RELN: variants seen among roughly 807,000 people sequenced by gnomAD.
RELN encodes the protein reelin.
RELN carries 108 observed loss-of-function variants against 427.6 expected under a neutral mutation model. The ratio of observed to expected loss-of-function variants is 0.25; its 90% CI spans 0.22 to 0.30. The LOEUF (loss-of-function observed/expected upper bound fraction) is 0.30. Ranked by LOEUF, RELN falls within the 10% of genes least tolerant of loss-of-function variation. RELN has a pLI of 1.00. For missense variants in RELN, 3,715 were observed against 4,302.8 expected, an observed-to-expected ratio of 0.86 and a Z score of 3.82; for synonymous variants, 1,524 against 1,513.4, an observed-to-expected ratio of 1.01 and a Z score of -0.16.
chr7:103,485,846 A>G (rs1828420915), intron 61 of RELN, among the ~76,000 whole-genome samples: 1 of 152,192 alleles, frequency 6.6e-6, no homozygotes, highest in Non-Finnish European at 1.5e-5. Context: ...TTTATTTCAC[A>G]TACACATTTA....
chr7:103,896,213 A>T (rs1349578925), intron 2 of RELN, among the ~76,000 whole-genome samples: 1 of 152,112 alleles, frequency 6.6e-6, no homozygotes, highest in African/African-American at 2.4e-5. Context: ...TGCAACTCTA[A>T]TGCTATGTTG....
At chr7:103,482,114 T>A (rs11486974) in intron 63 of RELN, 32,180 of 151,986 alleles carry the variant, frequency 0.21, 4,061 homozygotes, top group African/African-American at 0.36. Context: ...TGCTTGCAAA[T>A]TGACTGAAAT....
At chr7:103,647,861 A>T (rs1020649852) in intron 16 of RELN, among the ~76,000 whole-genome samples, 2 of 152,096 alleles carry the variant, frequency 1.3e-5, no homozygotes, top group East Asian at 3.9e-4. Context: ...AGACATATAC[A>T]TCAATGGAAC....
chr7:103,921,930 C>T (rs1795625923), intron 1 of RELN, among the ~76,000 whole-genome samples: 2 of 152,178 alleles, frequency 1.3e-5, no homozygotes, highest in South Asian at 4.1e-4. Flanking sequence ...GCAGTCTGTT[C>T]TGACCTCCTG....
At chr7:103,814,466 G>A (rs1792820711) in intron 3 of RELN, among the ~76,000 whole-genome samples, 1 of 152,146 alleles carries the variant, frequency 6.6e-6, no homozygotes, top group African/African-American at 2.4e-5. Context: ...CTGCAAGTAA[G>A]CCTGTTCCAG....
At chr7:103,816,767 G>T (rs1371988606) in intron 3 of RELN, among the ~76,000 whole-genome samples, 3 of 152,126 alleles carry the variant, frequency 2.0e-5, no homozygotes, top group Admixed American at 2.0e-4. Flanking sequence ...CCCCATAATT[G>T]CTCCTTGAGT....
intron 27 of RELN, among the ~76,000 whole-genome samples, chr7:103,590,387 C>A (rs941049588): frequency 6.6e-6 from 1 of 152,030 alleles, no homozygotes; most frequent in African/African-American, 2.4e-5. Context: ...GATGGTAAAA[C>A]CCTGTCTCTA....
intron 34 of RELN, among the ~76,000 whole-genome samples, chr7:103,564,168 G>C (rs1830697087): frequency 6.6e-6 from 1 of 152,206 alleles, no homozygotes; most frequent in African/African-American, 2.4e-5. Context: ...AAACAAGTAA[G>C]CACTATTTAA....
chr7:103,679,391 G>A (rs75533276), intron 11 of RELN, among the ~76,000 whole-genome samples: 5,291 of 152,216 alleles, frequency 0.035, 296 homozygotes, highest in African/African-American at 0.12. Context: ...GAAGAATTAC[G>A]CCACTTTTAG....
intron 7 of RELN, among the ~76,000 whole-genome samples, chr7:103,724,682 G>C (rs1790161050): frequency 6.6e-6 from 1 of 151,942 alleles, no homozygotes; most frequent in Non-Finnish European, 1.5e-5. Context: ...ACTTTGATTG[G>C]TTACTGATTC....
In RELN at chr7:103,739,009, T is replaced by C. The variant is rs562856096; in HGVS notation, c.656+10417A>G. 2.6e-5 allele frequency among the ~76,000 whole-genome samples: 4 copies of C among 152,268 alleles called. No individual in the cohort carries two copies. The South Asian group carries it at 6.2e-4, about 24-fold the overall frequency. On this transcript the variant is annotated intron_variant, in intron 6 of 64. Transcript: ENST00000428762. ...CATCTTTTCATTCAACTTAAAATTTTTGAGATTCATCCATGTTGTTGCGAC... is the reference window on the plus strand; with the variant it reads ...CATCTTTTCATTCAACTTAAAATTTCTGAGATTCATCCATGTTGTTGCGAC...
chr7:103,491,983 G>T lies in RELN; in HGVS notation c.9413C>A (p.Ser3138Tyr). 1 of 1,613,242 alleles carries T rather than the reference G, an allele frequency of 6.2e-7. No individual in the cohort carries two copies. The highest frequency in any genetic ancestry group is 1.1e-5 in the South Asian group (1 of 90,930). The change falls in exon 58 of 65, where the codon TCC becomes TAC. Residue 3138 changes from serine (S) to tyrosine (Y), a missense_variant. Transcript: ENST00000428762. ...CEATSCGDLH[S>Y]VMLEYTKDAR... The stretch of plus-strand genomic sequence containing the variant: ...ATCCTTAGTGTATTCCAGCATTACG[G>T]AATGAAGGTCACCACAAGAAGTGGC...
intron 2 of RELN, among the ~76,000 whole-genome samples, chr7:103,861,519 T>C (rs1422436676): frequency 1.3e-5 from 2 of 152,126 alleles, no homozygotes; most frequent in Non-Finnish European, 2.9e-5. Flanking sequence ...AGGTAACATG[T>C]AGTTGCTGCA....
intron 6 of RELN, among the ~76,000 whole-genome samples, chr7:103,740,951 T>G (rs1790635982): frequency 1.3e-5 from 2 of 152,344 alleles, no homozygotes; most frequent in Non-Finnish European, 1.5e-5. Flanking sequence ...TTTGGCTAAA[T>G]GCAGCATACC....
intron 8 of RELN, among the ~76,000 whole-genome samples, chr7:103,704,826 C>T (rs1834166826): frequency 6.6e-6 from 1 of 152,120 alleles, no homozygotes; most frequent in African/African-American, 2.4e-5. Flanking sequence ...TTCTTTTCCC[C>T]ACTCCATCCA....
intron 2 of RELN, among the ~76,000 whole-genome samples, chr7:103,909,063 A>C (rs559873099): frequency 6.6e-6 from 1 of 152,324 alleles, no homozygotes; most frequent in African/African-American, 2.4e-5. Context: ...GCATTAGCTT[A>C]ATTTAGGCTA....
chr7:103,489,779 C>G lies in RELN; in HGVS notation c.9726G>C (p.Thr3242=), dbSNP rs370000503. The G allele has an allele frequency of 4.3e-6, 7 of 1,614,128 alleles. No individual in the cohort carries two copies. The highest frequency in any genetic ancestry group is 5.9e-6 in the Non-Finnish European group (7 of 1,180,022). The change falls in exon 60 of 65, where the codon ACG becomes ACC. Residue 3242 remains threonine, a synonymous_variant. Coordinates refer to ENST00000428762, the MANE Select transcript of RELN (RefSeq NM_005045.4). ...PKLCSGHGYC[T]TGAICICDES... is the part of the protein sequence containing the mutation. The stretch of plus-strand genomic sequence containing the variant: ...CGTCGCAGATGCAGATGGCACCGGT[C>G]GTGCAGTATCCGTGCCCGCTGCAGA...
intron 10 of RELN, among the ~76,000 whole-genome samples, chr7:103,689,695 C>G (rs1403453347): frequency 6.6e-6 from 1 of 151,882 alleles, no homozygotes; most frequent in African/African-American, 2.4e-5. Context: ...ATGAGGAAAA[C>G]AAAAAAATAA....
intron 11 of RELN, among the ~76,000 whole-genome samples, chr7:103,675,380 A>G (rs1833493974): frequency 6.6e-6 from 1 of 152,230 alleles, no homozygotes; most frequent in Non-Finnish European, 1.5e-5. Flanking sequence ...GCTCAACAAA[A>G]TAAAAGAGGA....
Sources: gnomAD v4.1 joint callset for allele counts (sites outside exome capture counted in the v4.1 genomes callset) on GRCh38, gnomAD v4.1.1 for gene constraint, MANE v1.5 for transcripts, NCBI Gene and HGNC (gene_info 2026-07-23, HGNC 2026-07-21) for gene names.